ROBO1: variants seen among roughly 807,000 people sequenced by gnomAD.
ROBO1 encodes the protein roundabout homolog 1.
In ROBO1, 149 loss-of-function variants were observed where a neutral mutation model predicts 195.9. The ratio of observed to expected loss-of-function variants is 0.76; its 90% CI spans 0.67 to 0.87. ROBO1 has a LOEUF of 0.87. ROBO1 is among the 40% of genes least tolerant of loss of function. The pLI is 0.00. For missense variants in ROBO1, 1,933 were observed against 2,068.3 expected (o/e 0.93, Z 1.27); for synonymous variants, 816 against 733.2 (o/e 1.11, Z -1.82).
At chr3:79,174,531 A>G (rs1039128170) in intron 2 of ROBO1, among the ~76,000 whole-genome samples, 1 of 152,154 alleles carries the variant, frequency 6.6e-6, no homozygotes, top group Non-Finnish European at 1.5e-5. Flanking sequence ...TTCCGGACAC[A>G]TTACCTTTAA....
intron 2 of ROBO1, among the ~76,000 whole-genome samples, chr3:79,446,065 T>C (rs1464681303): frequency 6.6e-6 from 1 of 152,208 alleles, no homozygotes; most frequent in African/African-American, 2.4e-5. Context: ...CCCCTTGTGC[T>C]AGGATTACAG....
At chr3:79,668,223 A>G (rs959014046) in intron 1 of ROBO1, among the ~76,000 whole-genome samples, 2 of 151,836 alleles carry the variant, frequency 1.3e-5, no homozygotes, top group African/African-American at 4.8e-5. Flanking sequence ...TAAGGGTAGA[A>G]TATTATTTAA....
chr3:79,215,383 C>A (rs2082037377), intron 2 of ROBO1, among the ~76,000 whole-genome samples: 1 of 151,970 alleles, frequency 6.6e-6, no homozygotes. Context: ...GAAAACACAC[C>A]CCACAGGCAA....
chr3:78,648,788 A>T (rs1269496756), intron 19 of ROBO1, among the ~76,000 whole-genome samples: 1 of 152,064 alleles, frequency 6.6e-6, no homozygotes, highest in Non-Finnish European at 1.5e-5. Flanking sequence ...CTTATCATGT[A>T]TCAAAACACT....
intron 1 of ROBO1, among the ~76,000 whole-genome samples, chr3:79,749,653 G>A (rs559130697): frequency 1.3e-5 from 2 of 152,240 alleles, no homozygotes; most frequent in East Asian, 1.9e-4. Context: ...TGGCTGAAAG[G>A]GAGCTTGGCC....
chr3:79,550,190 A>AGAAAGAAAGAAAGAAAGAAAGAAAGAAAG (rs1559984349), intron 2 of ROBO1, among the ~76,000 whole-genome samples: 1 of 101,658 alleles, frequency 9.8e-6, no homozygotes, highest in Non-Finnish European at 2.0e-5. Flanking sequence ...AAAGAAAGAA[A>AGAAAGAAAGAAAGAAAGAAAGAAAGAAAG]GAAAGGAAAA....
chr3:78,632,859 G>C (rs752710598), intron 24 of ROBO1, among the ~76,000 whole-genome samples: 3 of 152,098 alleles, frequency 2.0e-5, no homozygotes, highest in Non-Finnish European at 4.4e-5. Flanking sequence ...CTTAAAAGTA[G>C]ATCCTTGAAA....
intron 1 of ROBO1, among the ~76,000 whole-genome samples, chr3:79,652,921 TAAAG>T (rs1401729188): frequency 6.6e-6 from 1 of 151,910 alleles, no homozygotes; most frequent in African/African-American, 2.4e-5. Context: ...CCATTCTACT[TAAAG>T]AAAAGAATAA....
intron 4 of ROBO1, among the ~76,000 whole-genome samples, chr3:78,799,486 C>T (rs999816244): frequency 6.6e-6 from 1 of 152,000 alleles, no homozygotes; most frequent in Non-Finnish European, 1.5e-5. Context: ...GGACTACAGG[C>T]GCCCACCACC....
intron 1 of ROBO1, among the ~76,000 whole-genome samples, chr3:79,614,988 G>A (rs1038401542): frequency 7.9e-5 from 12 of 152,004 alleles, no homozygotes; most frequent in African/African-American, 2.9e-4. Context: ...CCCCTCAACA[G>A]GGCAACCAAC....
At chr3:78,859,539 A>C (rs1208348886) in intron 4 of ROBO1, among the ~76,000 whole-genome samples, 1 of 152,176 alleles carries the variant, frequency 6.6e-6, no homozygotes, top group East Asian at 1.9e-4. Flanking sequence ...GAATAGGACC[A>C]AGGGAATATA....
chr3:78,661,334 A>G (rs1018940253), intron 15 of ROBO1, 73 bp from the exon 16 acceptor site: 18 of 986,032 alleles, frequency 1.8e-5, no homozygotes, highest in Admixed American at 3.4e-5. Flanking sequence ...TAAAAATTAA[A>G]CGTTATAAAA....
intron 2 of ROBO1, among the ~76,000 whole-genome samples, chr3:79,439,572 C>T (rs2038989457): frequency 6.6e-6 from 1 of 151,874 alleles, no homozygotes; most frequent in Non-Finnish European, 1.5e-5. Context: ...AAAGGGATTT[C>T]CATTACCAAC....
At chr3:79,568,205 T>C (rs1381683082) in intron 2 of ROBO1, among the ~76,000 whole-genome samples, 1 of 152,146 alleles carries the variant, frequency 6.6e-6, no homozygotes, top group African/African-American at 2.4e-5. Flanking sequence ...TCTTTAAATA[T>C]TTTATGTGCT....
intron 2 of ROBO1, among the ~76,000 whole-genome samples, chr3:79,168,206 C>G (rs754013051): frequency 2.2e-4 from 34 of 152,132 alleles, no homozygotes; most frequent in Non-Finnish European, 4.0e-4. Flanking sequence ...GAAGAGCCAA[C>G]AGTGACAGTT....
At chr3:79,646,076 G>T (rs535899371) in intron 1 of ROBO1, among the ~76,000 whole-genome samples, 1 of 151,992 alleles carries the variant, frequency 6.6e-6, no homozygotes, top group African/African-American at 2.4e-5. Flanking sequence ...AAAGATACAC[G>T]AATGGCATTA....
intron 2 of ROBO1, among the ~76,000 whole-genome samples, chr3:79,141,890 A>G (rs1206158147): frequency 6.6e-6 from 1 of 152,106 alleles, no homozygotes; most frequent in Non-Finnish European, 1.5e-5. Flanking sequence ...ATAATTATAC[A>G]TACCACATAT....
At chr3:78,760,315 G>T (rs2083065193) in intron 4 of ROBO1, among the ~76,000 whole-genome samples, 1 of 152,054 alleles carries the variant, frequency 6.6e-6, no homozygotes, top group Non-Finnish European at 1.5e-5. Context: ...AAAATCTAAA[G>T]GTACCCTGGT....
chr3:78,663,623 T>C (rs1196717664), intron 14 of ROBO1, among the ~76,000 whole-genome samples: 1 of 152,166 alleles, frequency 6.6e-6, no homozygotes, highest in African/African-American at 2.4e-5. Flanking sequence ...TTAATCTCAC[T>C]ATTCTTCAGT....
Sources: allele counts gnomAD v4.1 joint callset (sites outside exome capture counted in the v4.1 genomes callset), GRCh38; gene constraint gnomAD v4.1.1; transcripts MANE v1.5; gene names NCBI Gene and HGNC (gene_info 2026-07-23, HGNC 2026-07-21).